PCDH15: variants seen among roughly 807,000 people sequenced by gnomAD.
The protein encoded by PCDH15 is protocadherin-15.
PCDH15 carries 129 observed loss-of-function variants against 178.5 expected under a neutral mutation model. That is an observed-to-expected ratio of 0.72 (90% CI 0.63 to 0.84). PCDH15 has a LOEUF of 0.84. PCDH15 is among the 40% of genes least tolerant of loss of function. The pLI is 0.00. For synonymous variants in PCDH15, 800 were observed against 732.0 expected (o/e 1.09, Z -1.50); for missense variants, 2,230 against 2,099.9 (o/e 1.06, Z -1.21).
At chr10:54,228,972 A>T (rs1233625921) in intron 9 of PCDH15, among the ~76,000 whole-genome samples, 4 of 152,208 alleles carry the variant, frequency 2.6e-5, no homozygotes, top group Non-Finnish European at 4.4e-5. Flanking sequence ...AGTGACTTTT[A>T]GTTTACATTT....
intron 2 of PCDH15, among the ~76,000 whole-genome samples, chr10:55,004,225 T>A (rs1839868911): frequency 6.6e-6 from 1 of 152,086 alleles, no homozygotes; most frequent in African/African-American, 2.4e-5. Context: ...GGGTGGACAG[T>A]GGCCACCCCT....
chr10:54,526,796 C>T (rs1930146), intron 3 of PCDH15, among the ~76,000 whole-genome samples: 101,629 of 151,960 alleles, frequency 0.67, 34,720 homozygotes, highest in East Asian at 0.97. Context: ...TATACATCTG[C>T]GTCAATTCTT....
At chr10:54,797,259 C>G (rs1003946359) in intron 1 of PCDH15, among the ~76,000 whole-genome samples, 19 of 152,076 alleles carry the variant, frequency 1.2e-4, no homozygotes, top group African/African-American at 4.6e-4. Flanking sequence ...CATCAAGGAA[C>G]ACAATAAACA....
chr10:55,182,797 C>T (rs997164985), intron 1 of PCDH15, among the ~76,000 whole-genome samples: 6 of 151,884 alleles, frequency 4.0e-5, no homozygotes, highest in Admixed American at 1.3e-4. Context: ...CTTTTAGTTC[C>T]GAGAAATGAC....
At chr10:55,395,928 A>G (rs1837917366) in intron 2 of PCDH15, among the ~76,000 whole-genome samples, 1 of 152,144 alleles carries the variant, frequency 6.6e-6, no homozygotes, top group Non-Finnish European at 1.5e-5. Context: ...ATTTAGAGAA[A>G]TGTTTATATT....
chr10:54,240,330 A>G (rs2055110955), intron 8 of PCDH15, among the ~76,000 whole-genome samples: 1 of 152,068 alleles, frequency 6.6e-6, no homozygotes, highest in Admixed American at 6.6e-5. Flanking sequence ...GAAAAAGGAA[A>G]AAAAAAAGTA....
At chr10:54,525,935 C>T (rs928677147) in intron 3 of PCDH15, among the ~76,000 whole-genome samples, 5 of 152,082 alleles carry the variant, frequency 3.3e-5, no homozygotes, top group African/African-American at 1.2e-4. Context: ...AAGAGAAATG[C>T]AAAACATTTA....
intron 2 of PCDH15, among the ~76,000 whole-genome samples, chr10:55,043,404 A>C (rs1296718257): frequency 2.6e-5 from 4 of 152,024 alleles, no homozygotes; most frequent in South Asian, 2.1e-4. Context: ...CTACATAAAA[A>C]AACAGGAAAA....
chr10:55,468,378 G>C (rs976523882), intron 2 of PCDH15: 1 of 152,130 alleles, frequency 6.6e-6, no homozygotes, highest in Non-Finnish European at 1.5e-5. Flanking sequence ...TTGGAATTTT[G>C]AGCTGAAAGC....
intron 2 of PCDH15, among the ~76,000 whole-genome samples, chr10:55,529,676 C>T (rs1038336595): frequency 1.4e-5 from 2 of 143,830 alleles, no homozygotes; most frequent in Non-Finnish European, 3.0e-5. Flanking sequence ...GGCATAAATT[C>T]TGCCTTTAGG....
chr10:54,308,358 T>C (rs1213679413), intron 8 of PCDH15, among the ~76,000 whole-genome samples: 1 of 152,140 alleles, frequency 6.6e-6, no homozygotes, highest in Non-Finnish European at 1.5e-5. Context: ...TTAGACTTCA[T>C]ACTTGTTATT....
intron 25 of PCDH15, among the ~76,000 whole-genome samples, chr10:53,929,441 TTATTAATATAGTTTCTAAAACAGTGGCCA>T (rs2084847656): frequency 6.6e-6 from 1 of 152,166 alleles, no homozygotes. Flanking sequence ...AAGTAATACA[TTATTAATATAGTTTCTAAAACAGTGGCCA>T]TATATTTGTA....
intron 8 of PCDH15, among the ~76,000 whole-genome samples, chr10:54,237,659 T>C (rs2054774545): frequency 6.6e-6 from 1 of 152,180 alleles, no homozygotes; most frequent in Admixed American, 6.5e-5. Context: ...CCCTCAACTC[T>C]GTCATTACAG....
At chr10:55,074,062 A>G (rs2705961) in intron 2 of PCDH15, among the ~76,000 whole-genome samples, 84,958 of 151,820 alleles carry the variant, frequency 0.56, 24,199 homozygotes, top group East Asian at 0.75. Context: ...CTATGGCTGC[A>G]TAGTATTCCA....
intron 2 of PCDH15, among the ~76,000 whole-genome samples, chr10:55,145,626 T>C (rs1311813871): frequency 6.6e-6 from 1 of 152,058 alleles, no homozygotes; most frequent in African/African-American, 2.4e-5. Flanking sequence ...TGGAAGTAGA[T>C]GACATCCTTT....
intron 2 of PCDH15, among the ~76,000 whole-genome samples, chr10:55,052,101 T>C (rs1206174459): frequency 2.0e-5 from 3 of 151,876 alleles, no homozygotes; most frequent in African/African-American, 7.3e-5. Context: ...TTTTTTTTTT[T>C]TTTTGAGACA....
At chr10:54,219,192 G>A (rs558880982) in intron 9 of PCDH15, among the ~76,000 whole-genome samples, 124 of 149,280 alleles carry the variant, frequency 8.3e-4, no homozygotes, top group Non-Finnish European at 1.5e-3. Context: ...GGAGAATGGC[G>A]TGAACCAAGG....
chr10:53,817,467 A>T (rs2132439843), intron 34 of PCDH15, among the ~76,000 whole-genome samples: 1 of 152,020 alleles, frequency 6.6e-6, no homozygotes, highest in Non-Finnish European at 1.5e-5. Flanking sequence ...TAAAAAGATC[A>T]AAAGTTAAGT....
At chr10:54,907,656 T>A (rs1954748471) in intron 2 of PCDH15, among the ~76,000 whole-genome samples, 1 of 152,168 alleles carries the variant, frequency 6.6e-6, no homozygotes, top group African/African-American at 2.4e-5. Flanking sequence ...AAATATGAAA[T>A]TTATCCTCTT....
Sources: gnomAD v4.1 joint callset for allele counts (sites outside exome capture counted in the v4.1 genomes callset) on GRCh38, gnomAD v4.1.1 for gene constraint, MANE v1.5 for transcripts, NCBI Gene and HGNC (gene_info 2026-07-23, HGNC 2026-07-21) for gene names.